Variants in KIRREL3 observed in about 807,000 individuals in gnomAD.
The protein encoded by KIRREL3 is kin of IRRE-like protein 3.
KIRREL3 carries 36 observed loss-of-function variants against 89.7 expected under a neutral mutation model. That is an observed-to-expected ratio of 0.40 (90% CI 0.31 to 0.53). The LOEUF is 0.53. Among genes scored for constraint, KIRREL3 ranks in the 20% least tolerant of loss-of-function variants. KIRREL3 has a pLI of 0.49. For synonymous variants in KIRREL3, 445 were observed against 441.4 expected (o/e 1.01, Z -0.10); for missense variants, 864 against 1,056.6 (o/e 0.82, Z 2.53).
At chr11:126,781,369 A>G (rs542192202) in intron 1 of KIRREL3, among the ~76,000 whole-genome samples, 1 of 152,328 alleles carries the variant, frequency 6.6e-6, no homozygotes, top group African/African-American at 2.4e-5. Flanking sequence ...AAAGATATAA[A>G]CAAGATAATT....
chr11:126,548,498 G>T (rs575501763), intron 2 of KIRREL3, among the ~76,000 whole-genome samples: 1 of 152,234 alleles, frequency 6.6e-6, no homozygotes, highest in Non-Finnish European at 1.5e-5. Context: ...CTGTGAGGTG[G>T]TGTTCAATAG....
Position 126,440,548 on chromosome 11 carries a change from T to A in KIRREL3, c.1254A>T (p.Gly418=). ...TCTGGGTGCTGGAGATGATGGGGGG[T>A]CCTGTTGAGAAACAGCGTCCCATTA... is the stretch of plus-strand genomic sequence containing the variant. The part of the protein sequence containing the change: ...GEREVTLTVN[G]PPIISSTQTQ... The change falls in exon 11 of 17, where the codon GGA becomes GGT. Residue 418 remains glycine (G), a splice_region_variant and synonymous_variant. Transcript: ENST00000525144. 1 of 1,594,210 alleles carries A rather than the reference T, an allele frequency of 6.3e-7. No individual in the cohort carries two copies. Among genetic ancestry groups the A allele is most frequent in the Non-Finnish European group, 8.5e-7 (1 of 1,170,836 alleles).
In KIRREL3 at chr11:126,807,468, A is replaced by G. The variant is rs560714148; in HGVS notation, c.55+192987T>C. 6.6e-6 allele frequency among the ~76,000 whole-genome samples: 1 copy of G among 152,222 alleles called. No homozygotes were observed. Among genetic ancestry groups the G allele is most frequent in the African/African-American group, 2.4e-5 (1 of 41,456 alleles). On this transcript the variant is annotated intron_variant, in intron 1 of 16. Coordinates refer to ENST00000525144, the MANE Select transcript of KIRREL3 (RefSeq NM_032531.4). The surrounding 1 kb of genome is among the most constrained non-coding windows in gnomAD (Gnocchi z 4.3). ...TGTGTTTAACCATTCATGTCTAACT[A>G]TTCAAATTTAAAAATCTGTTTCAAT...
chr11:126,588,418 T>C (rs1270897472), intron 1 of KIRREL3, among the ~76,000 whole-genome samples: 1 of 152,184 alleles, frequency 6.6e-6, no homozygotes, highest in East Asian at 1.9e-4. Context: ...CTGGGAGGGC[T>C]ATGCTGGCTG....
intron 1 of KIRREL3, among the ~76,000 whole-genome samples, chr11:126,786,466 A>C (rs1237202074): frequency 2.0e-5 from 3 of 152,224 alleles, no homozygotes; most frequent in South Asian, 2.1e-4. Flanking sequence ...GTAGACCAGC[A>C]TTTCATTTTA....
At chr11:126,925,026 G>A (rs1157446397) in intron 1 of KIRREL3, among the ~76,000 whole-genome samples, 2 of 145,564 alleles carry the variant, frequency 1.4e-5, no homozygotes, top group African/African-American at 2.5e-5. Context: ...AAAGGGAAAA[G>A]GGGTGCTCAC....
At position 126,912,946 on chromosome 11, in the gene KIRREL3, A is replaced by AG. The variant is rs1203953964; in HGVS notation, c.55+87508dup. Among the ~76,000 whole-genome samples, 2 of 152,258 alleles carry AG rather than the reference A, an allele frequency of 1.3e-5. No homozygotes were observed. Among genetic ancestry groups the AG allele is most frequent in the African/African-American group, 4.8e-5 (2 of 41,468 alleles). On this transcript the variant is annotated intron_variant, in intron 1 of 16. Coordinates refer to ENST00000525144, the MANE Select transcript of KIRREL3 (RefSeq NM_032531.4). The surrounding 1 kb of genome is among the most constrained non-coding windows in gnomAD (Gnocchi z 4.7). ...CACCTGGGGTGCACCCATCAGTCTAAGTAGTCAAGAGAGGAAATGCCTTAA... is the reference window on the plus strand; with the variant it reads ...CACCTGGGGTGCACCCATCAGTCTAAGGTAGTCAAGAGAGGAAATGCCTTAA...
At chr11:126,945,692 G>T (rs890227142) in intron 1 of KIRREL3, among the ~76,000 whole-genome samples, 1 of 152,198 alleles carries the variant, frequency 6.6e-6, no homozygotes, top group Admixed American at 6.5e-5. Flanking sequence ...TCTCACCTAA[G>T]TTTCCTTATA....
intron 1 of KIRREL3, chr11:126,936,555 C>CAAAAAA (rs59632103): frequency 5.1e-5 from 5 of 97,826 alleles, no homozygotes; most frequent in Admixed American, 1.1e-4. Flanking sequence ...TGCTATTCAG[C>CAAAAAA]AAAAAAAAAA....
chr11:126,704,769 G>A lies in KIRREL3; in HGVS notation c.56-141857C>T, dbSNP rs1947456644. Among the ~76,000 whole-genome samples, 1 of 152,190 alleles carries A rather than the reference G, an allele frequency of 6.6e-6. No individual in the cohort carries two copies. The highest frequency in any genetic ancestry group is 2.4e-5 in the African/African-American group (1 of 41,440). ...GGCTAGCTACCTATACCAGTCCAAA[G>A]GCTTGATACAGGAACCACATCAGAA... On this transcript the variant is annotated intron_variant, in intron 1 of 16. Transcript: ENST00000525144. The surrounding 1 kb of genome is among the most constrained non-coding windows in gnomAD (Gnocchi z 4.2).
intron 9 of KIRREL3, 51 bp from the exon 10 acceptor site, chr11:126,445,156 C>A (rs988347280): frequency 6.2e-7 from 1 of 1,601,212 alleles, no homozygotes; most frequent in South Asian, 1.1e-5. Flanking sequence ...GGGGTGCACT[C>A]TTGTCTCTGG....
In KIRREL3 at chr11:126,668,785, A is replaced by G. The variant is rs1945805473; in HGVS notation, c.56-105873T>C. ...CTCTTTCTTTCTTTCAAAAAAGTTCAATTCTCCTAGGTGGCTCACCTGGGC... is the reference window on the plus strand; with the variant it reads ...CTCTTTCTTTCTTTCAAAAAAGTTCGATTCTCCTAGGTGGCTCACCTGGGC... On this transcript the variant is annotated intron_variant, in intron 1 of 16. Coordinates refer to ENST00000525144, the MANE Select transcript of KIRREL3 (RefSeq NM_032531.4). This position sits in a 1 kb window ranked among gnomAD's most constrained non-coding sequence, Gnocchi z 4.4. Among the ~76,000 whole-genome samples, 1 of 128,818 alleles carries G rather than the reference A, an allele frequency of 7.8e-6. No homozygotes were observed. The highest frequency in any genetic ancestry group is 1.6e-5 in the Non-Finnish European group (1 of 60,834). 84.5% of individuals were successfully genotyped at this position (128,818 alleles called of 152,430 possible).
chr11:126,880,261 G>C (rs1251483463), intron 1 of KIRREL3, among the ~76,000 whole-genome samples: 3 of 151,990 alleles, frequency 2.0e-5, no homozygotes, highest in Non-Finnish European at 4.4e-5. Flanking sequence ...GATTCTGCTG[G>C]GGACTCTTCG....
intron 1 of KIRREL3, among the ~76,000 whole-genome samples, chr11:126,779,755 C>T (rs1894221): frequency 1.3e-5 from 2 of 151,850 alleles, no homozygotes; most frequent in South Asian, 4.1e-4. Context: ...CTCTGTCCAC[C>T]GTAGTTACTA....
chr11:126,702,780 G>A (rs182131237), intron 1 of KIRREL3, among the ~76,000 whole-genome samples: 66 of 152,318 alleles, frequency 4.3e-4, no homozygotes, highest in African/African-American at 1.4e-3. Context: ...CTAGGAGGTG[G>A]ATGCTCTGCA....
chr11:126,852,857 C>T (rs981261432), intron 1 of KIRREL3, among the ~76,000 whole-genome samples: 1 of 152,142 alleles, frequency 6.6e-6, no homozygotes, highest in Non-Finnish European at 1.5e-5. Context: ...CAGGTGGACT[C>T]CCTGAGCAGA....
Position 126,527,626 on chromosome 11 carries a change from C to T in KIRREL3, c.134-939G>A, listed in dbSNP as rs973009322. The stretch of plus-strand genomic sequence containing the variant: ...CTTGTGAATTGCTCACCAAGTACGG[C>T]GCATGCCCTGACTCTAGTTATCACC... On this transcript the variant is annotated intron_variant, in intron 2 of 16. Coordinates refer to ENST00000525144, the MANE Select transcript of KIRREL3 (RefSeq NM_032531.4). The surrounding 1 kb of genome is among the most constrained non-coding windows in gnomAD (Gnocchi z 4.2). Among the ~76,000 whole-genome samples the T allele has an allele frequency of 7.9e-5, 12 of 152,124 alleles. No individual in the cohort carries two copies. The highest frequency in any genetic ancestry group is 1.3e-4 in the Admixed American group (2 of 15,280).
In KIRREL3 at chr11:126,424,149, T is replaced by C; in HGVS notation, c.*431A>G. 4.4e-6 allele frequency: 1 copy of C among 224,746 alleles called. No individual in the cohort carries two copies. Among genetic ancestry groups the C allele is most frequent in the South Asian group, 7.8e-5 (1 of 12,900 alleles). The allele number at this position is 224,746 out of a possible 1,614,324, so 13.9% of individuals were successfully genotyped here. On this transcript the variant is annotated 3_prime_UTR_variant, in exon 17 of 17. Coordinates refer to ENST00000525144, the MANE Select transcript of KIRREL3 (RefSeq NM_032531.4). ...GACGTCATCCCCTTCTCCCCAGGGC[T>C]GTATGGGAGCACAGGCACAGGGGTA... is the stretch of plus-strand genomic sequence containing the variant.
chr11:126,865,034 G>A (rs1454859032), intron 1 of KIRREL3, among the ~76,000 whole-genome samples: 1 of 152,134 alleles, frequency 6.6e-6, no homozygotes, highest in Non-Finnish European at 1.5e-5. Flanking sequence ...CATACCTGGG[G>A]CACTTGTTAT....
Sources: allele counts gnomAD v4.1 joint callset (sites outside exome capture counted in the v4.1 genomes callset), GRCh38; gene constraint gnomAD v4.1.1; non-coding constraint Gnocchi (gnomAD v3.1); transcripts MANE v1.5; gene names NCBI Gene and HGNC (gene_info 2026-07-23, HGNC 2026-07-21).